The following DIAPH3 variants were observed in gnomAD, a reference collection of about 807,000 sequenced individuals.
DIAPH3 encodes protein diaphanous homolog 3.
A neutral mutation model predicts 144.3 loss-of-function variants in DIAPH3; 117 were observed. The observed-to-expected ratio is 0.81, with a 90% CI of 0.70 to 0.95. The LOEUF (loss-of-function observed/expected upper bound fraction) is 0.95, where lower values mean the gene tolerates loss of function less well. DIAPH3 is among the 40% of genes least tolerant of loss of function. DIAPH3 has a pLI of 0.00. For synonymous variants in DIAPH3, 519 were observed against 488.9 expected, an observed-to-expected ratio of 1.06 and a Z score of -0.81; for missense variants, 1,421 against 1,412.7, an observed-to-expected ratio of 1.01 and a Z score of -0.09.
chr13:59,895,784 C>T (rs1163415065), intron 20 of DIAPH3, among the ~76,000 whole-genome samples: 1 of 152,146 alleles, frequency 6.6e-6, no homozygotes, highest in Non-Finnish European at 1.5e-5. Flanking sequence ...CAAGAGAAGT[C>T]AGTGGTCAGG....
chr13:59,997,992 A>T (rs959295400), intron 9 of DIAPH3, among the ~76,000 whole-genome samples: 1 of 152,142 alleles, frequency 6.6e-6, no homozygotes, highest in Non-Finnish European at 1.5e-5. Flanking sequence ...ACTGCTATTC[A>T]TCTTTCCTAC....
intron 24 of DIAPH3, among the ~76,000 whole-genome samples, chr13:59,813,048 T>C (rs1344094499): frequency 1.3e-5 from 2 of 151,952 alleles, no homozygotes; most frequent in African/African-American, 4.8e-5. Flanking sequence ...ATTCCCTAAA[T>C]TCAGGATTTC....
rs1396514105 is a variant in DIAPH3, at chr13:59,936,580, GGGTTCA to G, written c.2075-11716_2075-11711del. ...TATCACATATATCTTAGTGTTAACT[GGGTTCA>G]TTACAATTTGAGATGAGCTCTGACT... On this transcript the variant is annotated intron_variant, in intron 17 of 27. Coordinates refer to ENST00000400324, the MANE Select transcript of DIAPH3 (RefSeq NM_001042517.2). 5.9e-5 allele frequency among the ~76,000 whole-genome samples: 9 copies of G among 152,274 alleles called. No individual in the cohort carries two copies. The East Asian group carries it at 1.7e-3, about 29-fold the overall frequency.
chr13:59,760,215 A>C (rs1336508390), intron 27 of DIAPH3, among the ~76,000 whole-genome samples: 1 of 152,198 alleles, frequency 6.6e-6, no homozygotes, highest in East Asian at 1.9e-4. Context: ...ATAACAAAGA[A>C]TTTTAAAAGA....
chr13:60,124,065 A>G (rs542951699), intron 2 of DIAPH3, among the ~76,000 whole-genome samples: 2 of 152,342 alleles, frequency 1.3e-5, no homozygotes, highest in African/African-American at 4.8e-5. Context: ...AACAAAGCTC[A>G]GTCCTATTAG....
chr13:59,938,859 A>C (rs2140368665), intron 17 of DIAPH3, among the ~76,000 whole-genome samples: 1 of 152,194 alleles, frequency 6.6e-6, no homozygotes, highest in East Asian at 1.9e-4. Flanking sequence ...GGAGAAGATA[A>C]GTTCTAAAGA....
At chr13:60,136,742 T>G (rs945105495) in intron 1 of DIAPH3, among the ~76,000 whole-genome samples, 1 of 151,992 alleles carries the variant, frequency 6.6e-6, no homozygotes, top group Admixed American at 6.5e-5. Context: ...GAGACCATCC[T>G]GGCTAACACA....
chr13:59,782,981 G>T (rs974591319), intron 25 of DIAPH3, among the ~76,000 whole-genome samples: 2 of 152,114 alleles, frequency 1.3e-5, no homozygotes, highest in African/African-American at 4.8e-5. Context: ...CTCACCAAGG[G>T]CTGAATATAC....
chr13:60,113,787 C>G (rs1315035468), intron 2 of DIAPH3, among the ~76,000 whole-genome samples: 1 of 152,122 alleles, frequency 6.6e-6, no homozygotes, highest in Non-Finnish European at 1.5e-5. Flanking sequence ...GAAAAGCCAG[C>G]CAAATATTTA....
chr13:59,915,346 T>G (rs2047176933), intron 19 of DIAPH3, among the ~76,000 whole-genome samples: 1 of 152,086 alleles, frequency 6.6e-6, no homozygotes, highest in Admixed American at 6.5e-5. Context: ...AAGGCAAAAC[T>G]TAGAACAACT....
chr13:59,714,364 A>G (rs1175003562), intron 27 of DIAPH3, among the ~76,000 whole-genome samples: 2 of 14,560 alleles, frequency 1.4e-4, no homozygotes, highest in Non-Finnish European at 2.8e-4. Flanking sequence ...CGTCTCAAAA[A>G]AAAAAAAAAA....
At chr13:59,842,531 G>A (rs533369202) in intron 22 of DIAPH3, among the ~76,000 whole-genome samples, 1 of 152,144 alleles carries the variant, frequency 6.6e-6, no homozygotes, top group South Asian at 2.1e-4. Flanking sequence ...ATAAGTTAAG[G>A]AGAAAATCCT....
chr13:60,113,322 G>A (rs980504454), intron 2 of DIAPH3, among the ~76,000 whole-genome samples: 6 of 152,092 alleles, frequency 3.9e-5, no homozygotes, highest in South Asian at 2.1e-4. Flanking sequence ...CATTAAAAAC[G>A]TCTGATACCT....
chr13:59,896,291 T>A (rs760475245), intron 20 of DIAPH3, among the ~76,000 whole-genome samples: 3 of 152,198 alleles, frequency 2.0e-5, no homozygotes, highest in Non-Finnish European at 2.9e-5. Flanking sequence ...TTCATATAAC[T>A]GCTATGTAAT....
chr13:60,122,185 C>T (rs117854215), intron 2 of DIAPH3, among the ~76,000 whole-genome samples: 1,644 of 152,304 alleles, frequency 0.011, 11 homozygotes, highest in Non-Finnish European at 0.019. Context: ...CACCACCTTA[C>T]ACTGTATGAT....
chr13:59,719,571 C>G (rs952281979), intron 27 of DIAPH3, among the ~76,000 whole-genome samples: 2 of 151,974 alleles, frequency 1.3e-5, no homozygotes, highest in Admixed American at 1.3e-4. Context: ...TGGGTTCTCT[C>G]ACGCTGCTCA....
chr13:59,899,585 G>T (rs1166058845), intron 20 of DIAPH3, among the ~76,000 whole-genome samples: 1 of 152,158 alleles, frequency 6.6e-6, no homozygotes, highest in African/African-American at 2.4e-5. Context: ...GAAATACCAA[G>T]GCAGGGACAA....
At chr13:60,130,853 A>G (rs2059119695) in intron 2 of DIAPH3, among the ~76,000 whole-genome samples, 1 of 152,152 alleles carries the variant, frequency 6.6e-6, no homozygotes, top group African/African-American at 2.4e-5. Flanking sequence ...GGATAAAGGG[A>G]GAGGTGAGGA....
At chr13:59,999,390 A>G (rs1031282013) in intron 9 of DIAPH3, among the ~76,000 whole-genome samples, 5 of 152,190 alleles carry the variant, frequency 3.3e-5, no homozygotes, top group Non-Finnish European at 2.9e-5. Flanking sequence ...AAACTTTCAA[A>G]GATCTATCTT....
Sources: gnomAD v4.1 joint callset for allele counts (sites outside exome capture counted in the v4.1 genomes callset) on GRCh38, gnomAD v4.1.1 for gene constraint, MANE v1.5 for transcripts, NCBI Gene and HGNC (gene_info 2026-07-23, HGNC 2026-07-21) for gene names.